ZNF276: variants seen among roughly 807,000 people sequenced by gnomAD.
ZNF276 encodes the protein centromere protein Z.
A neutral mutation model predicts 63.9 loss-of-function variants in ZNF276; 59 were observed. That is an observed-to-expected ratio of 0.92 (90% CI 0.75 to 1.15). The LOEUF (loss-of-function observed/expected upper bound fraction) is 1.15. ZNF276 is among the 50% of genes most tolerant of loss of function. The probability of loss-of-function intolerance (pLI) is 0.00; values close to 1 mark genes in which losing one functional copy is unlikely to be tolerated. For missense variants in ZNF276, 1,084 were observed against 843.8 expected, an observed-to-expected ratio of 1.28 and a Z score of -3.53; for synonymous variants, 496 against 348.4, an observed-to-expected ratio of 1.42 and a Z score of -4.72.
intron 9 of ZNF276, chr16:89,737,543 C>G: frequency 2.1e-6 from 1 of 484,586 alleles, no homozygotes; most frequent in Non-Finnish European, 3.5e-6. Flanking sequence ...AGACAAGAAT[C>G]TGTGGTTAAG....
At position 89,733,975 on chromosome 16, in the gene ZNF276, G is replaced by A. The variant is rs139571415; in HGVS notation, c.1411G>A (p.Gly471Ser). 6.2e-7 allele frequency: 1 copy of A among 1,614,062 alleles called. No homozygotes were observed. The highest frequency in any genetic ancestry group is 1.1e-5 in the South Asian group (1 of 91,088). Reference protein sequence around the residue: ...EVRERPCPHPGCNKVFMIDRY... With the variant: ...EVRERPCPHPSCNKVFMIDRY... Reference sequence around the variant, plus strand: ...CCGGGAGCGGCCCTGCCCCCACCCTGGCTGCAACAAGGTTTTCATGATCGA... The same window carrying A: ...CCGGGAGCGGCCCTGCCCCCACCCTAGCTGCAACAAGGTTTTCATGATCGA... The change falls in exon 9 of 11, where the codon GGC becomes AGC. Residue 471 changes from glycine (G) to serine (S), a missense_variant. Physicochemically the swap from Gly to Ser is moderately conservative, Grantham distance 56. Coordinates refer to ENST00000443381, the MANE Select transcript of ZNF276 (RefSeq NM_001113525.2).
Position 89,722,681 on chromosome 16 carries a change from G to A in ZNF276, c.356G>A (p.Arg119His), listed in dbSNP as rs765478572. ...EERVLVRDFQ[R>H]LLGVAVRQDP... The stretch of plus-strand genomic sequence containing the variant: ...CGCGTGCTCGTACGGGACTTCCAGC[G>A]CCTGCTTGGTGTGGCTGTCCGCCAG... Residue 119 changes from arginine to histidine, a missense_variant, in exon 2 of 11, where the codon CGC becomes CAC. Transcript: ENST00000443381. The A allele has an allele frequency of 6.8e-6, 11 of 1,612,204 alleles. No homozygotes were observed. The Middle Eastern group carries it at 4.9e-4, about 72-fold the overall frequency.
chr16:89,729,333 C>T lies in ZNF276; in HGVS notation c.1169+15C>T, dbSNP rs201017033. ...CCAGAAAGGAAGTAAGTGGGCAGCC[C>T]GGGGTCTGCTGGAGGCATCCGTTGG... On this transcript the variant is annotated intron_variant, in intron 6 of 10. Coordinates refer to ENST00000443381, the MANE Select transcript of ZNF276 (RefSeq NM_001113525.2). 2.7e-5 allele frequency: 43 copies of T among 1,613,368 alleles called. No homozygotes were observed. The highest frequency in any genetic ancestry group is 3.5e-5 in the Non-Finnish European group (41 of 1,179,582).
intron 6 of ZNF276, 65 bp from the exon 7 acceptor site, chr16:89,733,237 G>A (rs1390433787): frequency 7.0e-7 from 1 of 1,438,192 alleles, no homozygotes; most frequent in African/African-American, 1.4e-5. Context: ...TCAGGTTGGA[G>A]AGACAAAAAA....
intron 9 of ZNF276, among the ~76,000 whole-genome samples, chr16:89,735,610 G>A (rs913885714): frequency 6.6e-6 from 1 of 152,026 alleles, no homozygotes; most frequent in Non-Finnish European, 1.5e-5. Context: ...AGTGGCTCAT[G>A]CCTGTAATCG....
rs2061298058 is a variant in ZNF276, at chr16:89,721,952, C to T, written c.205+107C>T. 6.3e-6 allele frequency: 5 copies of T among 794,502 alleles called. No individual in the cohort carries two copies. In the Admixed American group the frequency reaches 2.3e-4, roughly 37 times the overall value. 49.2% of individuals were successfully genotyped at this position (794,502 alleles called of 1,614,324 possible). A position where few individuals can be genotyped will look rare whatever the true frequency, so the allele number is the denominator to read the frequency against. On this transcript the variant is annotated intron_variant, in intron 1 of 10. Coordinates refer to ENST00000443381, the MANE Select transcript of ZNF276 (RefSeq NM_001113525.2). ...CGGCGCGGCCTCTCCTCCACCCGGC[C>T]AAGGGCGTAGCGGACTCGGGGCTGC...
intron 4 of ZNF276, among the ~76,000 whole-genome samples, chr16:89,724,948 GTGTT>G (rs1472718369): frequency 6.6e-6 from 1 of 151,978 alleles, no homozygotes. Context: ...ATCTATCTAT[GTGTT>G]TATTTATTTT....
At position 89,739,800 on chromosome 16, in the gene ZNF276, C is replaced by G. The variant is rs1299660748; in HGVS notation, c.*1554C>G. 2.0e-6 allele frequency: 3 copies of G among 1,465,244 alleles called. No homozygotes were observed. Among genetic ancestry groups the G allele is most frequent in the East Asian group, 4.9e-5 (2 of 40,444 alleles). The allele number at this position is 1,465,244 out of a possible 1,614,324, so 90.8% of individuals were successfully genotyped here. A position where few individuals can be genotyped will look rare whatever the true frequency, so the allele number is the denominator to read the frequency against. ...CAGTCCCCATGATAGGCCCATTGGT[C>G]CTGGGGTTGACCAGTGAGCCAGTAA... On this transcript the variant is annotated 3_prime_UTR_variant, in exon 11 of 11. Coordinates refer to ENST00000443381, the MANE Select transcript of ZNF276 (RefSeq NM_001113525.2).
intron 6 of ZNF276, chr16:89,731,562 C>T (rs903069771): frequency 6.6e-6 from 1 of 152,300 alleles, no homozygotes; most frequent in African/African-American, 2.4e-5. Flanking sequence ...TCAATGCACT[C>T]TTTAAAGAGA....
At position 89,734,004 on chromosome 16, in the gene ZNF276, C is replaced by G. The variant is rs749373310; in HGVS notation, c.1440C>G (p.Arg480=). Residue 480 remains arginine (R), a synonymous_variant, in exon 9 of 11, where the codon CGC becomes CGG. Coordinates refer to ENST00000443381, the MANE Select transcript of ZNF276 (RefSeq NM_001113525.2). ...PGCNKVFMID[R]YLQRHVKLIH... ...GCAACAAGGTTTTCATGATCGACCG[C>G]TACCTGCAGCGCCACGTGAAGCTCA... The G allele has an allele frequency of 6.2e-7, 1 of 1,614,004 alleles. No individual in the cohort carries two copies. Among genetic ancestry groups the G allele is most frequent in the African/African-American group, 1.3e-5 (1 of 74,946 alleles).
intron 6 of ZNF276, among the ~76,000 whole-genome samples, chr16:89,729,718 C>A (rs982266013): frequency 2.0e-5 from 3 of 152,178 alleles, no homozygotes; most frequent in Admixed American, 2.0e-4. Flanking sequence ...TTGTGTGCGT[C>A]CCCAGAGGCC....
intron 5 of ZNF276, among the ~76,000 whole-genome samples, chr16:89,727,923 C>T (rs2061518216): frequency 6.6e-6 from 1 of 152,228 alleles, no homozygotes. Flanking sequence ...TCAGTGTCTG[C>T]AAACTCCCTG....
In ZNF276 at chr16:89,739,854, G is replaced by A. The variant is rs2062082586; in HGVS notation, c.*1608G>A. Reference sequence around the variant, plus strand: ...ATCTTATTGCTTTAAACAAGTTTGTGCTTAATCTGTCCCAACTAAAATGGA... The same window carrying A: ...ATCTTATTGCTTTAAACAAGTTTGTACTTAATCTGTCCCAACTAAAATGGA... On this transcript the variant is annotated 3_prime_UTR_variant, in exon 11 of 11. Transcript: ENST00000443381. The A allele has an allele frequency of 2.0e-6, 3 of 1,524,106 alleles. No individual in the cohort carries two copies. The highest frequency in any genetic ancestry group is 1.3e-5 in the South Asian group (1 of 77,566). The allele number at this position is 1,524,106 out of a possible 1,614,324, so 94.4% of individuals were successfully genotyped here.
upstream of ZNF276, chr16:89,720,880 C>T: frequency 2.2e-6 from 3 of 1,344,392 alleles, no homozygotes; most frequent in Admixed American, 3.4e-5. Context: ...GCGGGGGAGG[C>T]GGCGGCGGTA....
Position 89,733,018 on chromosome 16 carries a change from CTG to C in ZNF276, c.1170-280_1170-279del, listed in dbSNP as rs533420364. The C allele has an allele frequency of 6.3e-4, 190 of 299,686 alleles. 2 individuals carry two copies. The highest frequency in any genetic ancestry group is 9.7e-4 in the Non-Finnish European group (144 of 148,318). The allele number at this position is 299,686 out of a possible 1,614,324, so 18.6% of individuals were successfully genotyped here. ...CTGTACCCTGCGCCCTCGCCCTCTG[CTG>C]TGTTTGCCCTGACCCTGCTGTACCC... On this transcript the variant is annotated intron_variant, in intron 6 of 10. Transcript: ENST00000443381.
At position 89,738,651 on chromosome 16, in the gene ZNF276, G is replaced by C. The variant is rs767234774; in HGVS notation, c.*405G>C. ...AGGTCAGCGTCAGGGGCAGCCTGCTGTCTGCTCTGGAGGGCGGCGCTCACC... is the reference window on the plus strand; with the variant it reads ...AGGTCAGCGTCAGGGGCAGCCTGCTCTCTGCTCTGGAGGGCGGCGCTCACC... On this transcript the variant is annotated 3_prime_UTR_variant, in exon 11 of 11. Transcript: ENST00000443381. 8.7e-6 allele frequency: 14 copies of C among 1,613,478 alleles called. No individual in the cohort carries two copies. The highest frequency in any genetic ancestry group is 4.4e-5 in the South Asian group (4 of 91,062).
rs1467606321 is a variant in ZNF276, at chr16:89,738,768, A to AG, written c.*526dup. 1 of 1,612,270 alleles carries AG rather than the reference A, an allele frequency of 6.2e-7. No homozygotes were observed. The highest frequency in any genetic ancestry group is 2.2e-5 in the East Asian group (1 of 44,706). On this transcript the variant is annotated 3_prime_UTR_variant, in exon 11 of 11. Coordinates refer to ENST00000443381, the MANE Select transcript of ZNF276 (RefSeq NM_001113525.2). ...CCCACTAGGCCTCAGACCACAGGGGAGGGGCTCTGGCAGAAATAGTCGAGT... is the reference window on the plus strand; with the variant it reads ...CCCACTAGGCCTCAGACCACAGGGGAGGGGGCTCTGGCAGAAATAGTCGAGT...
chr16:89,737,651 A>C lies in ZNF276; in HGVS notation c.1475-155A>C, dbSNP rs1339141649. On this transcript the variant is annotated intron_variant, in intron 9 of 10. Coordinates refer to ENST00000443381, the MANE Select transcript of ZNF276 (RefSeq NM_001113525.2). Reference sequence around the variant, plus strand: ...ATAAAGCAGTTTAAAGATCTTAATAAACGAGGCCCTCATAGGCCCCTTGCT... The same window carrying C: ...ATAAAGCAGTTTAAAGATCTTAATACACGAGGCCCTCATAGGCCCCTTGCT... 4 of 1,422,202 alleles carry C rather than the reference A, an allele frequency of 2.8e-6. No individual in the cohort carries two copies. The African/African-American group carries it at 4.3e-5, about 15-fold the overall frequency. The allele number at this position is 1,422,202 out of a possible 1,614,324, so 88.1% of individuals were successfully genotyped here.
At chr16:89,726,923 C>T (rs188971502) in intron 4 of ZNF276, among the ~76,000 whole-genome samples, 37 of 152,336 alleles carry the variant, frequency 2.4e-4, no homozygotes, top group African/African-American at 6.5e-4. Context: ...GGATTACAGA[C>T]ATGAGCCACC....
Sources: gnomAD v4.1 joint callset for allele counts (sites outside exome capture counted in the v4.1 genomes callset) on GRCh38, gnomAD v4.1.1 for gene constraint, MANE v1.5 for transcripts, NCBI Gene and HGNC (gene_info 2026-07-23, HGNC 2026-07-21) for gene names.